GNG2: variants seen among roughly 807,000 people sequenced by gnomAD.
The protein encoded by GNG2 is G protein subunit gamma 2.
In GNG2, 5 loss-of-function variants were observed where a neutral mutation model predicts 5.5. The ratio of observed to expected loss-of-function variants is 0.91; its 90% confidence interval spans 0.48 to 1.92. The LOEUF (loss-of-function observed/expected upper bound fraction) is 1.92, where lower values mean the gene tolerates loss of function less well. Among genes scored for constraint, GNG2 ranks in the 30% most tolerant of loss-of-function variants. The pLI, the probability that GNG2 is intolerant of heterozygous loss-of-function variation, is 0.01. For missense variants in GNG2, 55 were observed against 88.4 expected (o/e 0.62, Z 1.52); for synonymous variants, 28 against 32.0 (o/e 0.88, Z 0.42).
At chr14:51,888,323 G>A (rs545234815) in intron 2 of GNG2, among the ~76,000 whole-genome samples, 1 of 151,698 alleles carries the variant, frequency 6.6e-6, no homozygotes, top group African/African-American at 2.4e-5. Flanking sequence ...TGTTTTTGTT[G>A]TTGTTGTTGT....
chr14:51,958,328 A>C (rs1889384773), intron 3 of GNG2, among the ~76,000 whole-genome samples: 1 of 151,620 alleles, frequency 6.6e-6, no homozygotes, highest in Non-Finnish European at 1.5e-5. Context: ...AGAAACCAAG[A>C]TCTAGATGCC....
intron 2 of GNG2, among the ~76,000 whole-genome samples, chr14:51,908,736 ATTTTTTTT>A (rs3030340): frequency 6.7e-5 from 6 of 89,880 alleles, no homozygotes; most frequent in African/African-American, 1.3e-4. Context: ...CACCCAGCTA[ATTTTTTTT>A]TTTTTTTTTT....
At chr14:51,948,021 T>C (rs1420455776) in intron 2 of GNG2, among the ~76,000 whole-genome samples, 1 of 152,210 alleles carries the variant, frequency 6.6e-6, no homozygotes, top group Non-Finnish European at 1.5e-5. Flanking sequence ...GTAGCAGTCA[T>C]GCTAGAGGTT....
At chr14:51,845,281 A>C (rs1198788406) in intron 2 of GNG2, among the ~76,000 whole-genome samples, 3 of 152,208 alleles carry the variant, frequency 2.0e-5, no homozygotes, top group Non-Finnish European at 4.4e-5. Context: ...GCTTGAGCCC[A>C]GGAGTTTGAG....
chr14:51,910,644 C>T (rs769041707), intron 2 of GNG2, among the ~76,000 whole-genome samples: 4 of 152,202 alleles, frequency 2.6e-5, no homozygotes, highest in Non-Finnish European at 4.4e-5. Context: ...GCACATGGCA[C>T]ACACTCCAGA....
chr14:51,938,875 G>C (rs1357517364), intron 2 of GNG2, among the ~76,000 whole-genome samples: 1 of 152,178 alleles, frequency 6.6e-6, no homozygotes, highest in Non-Finnish European at 1.5e-5. Flanking sequence ...AGGTTTGAGA[G>C]ACACTGAGGA....
intron 3 of GNG2, among the ~76,000 whole-genome samples, chr14:51,954,657 A>G (rs1280399926): frequency 2.0e-5 from 3 of 152,176 alleles, no homozygotes; most frequent in Admixed American, 2.0e-4. Context: ...CTGGAAGGCC[A>G]TTGAGAACTG....
At chr14:51,948,170 C>G (rs1226847480) in intron 2 of GNG2, among the ~76,000 whole-genome samples, 3 of 152,212 alleles carry the variant, frequency 2.0e-5, no homozygotes, top group Non-Finnish European at 4.4e-5. Context: ...GTAACTATAC[C>G]TAGCTGCAAG....
At chr14:51,924,053 G>C (rs1429649881) in intron 2 of GNG2, among the ~76,000 whole-genome samples, 1 of 152,150 alleles carries the variant, frequency 6.6e-6, no homozygotes, top group Non-Finnish European at 1.5e-5. Flanking sequence ...TTTATTGATA[G>C]GCTTAAGCTA....
intron 2 of GNG2, among the ~76,000 whole-genome samples, chr14:51,906,757 C>CTTTTTTTTCTTT (rs1555353318): frequency 2.8e-5 from 3 of 105,308 alleles, no homozygotes; most frequent in African/African-American, 1.1e-4. Context: ...TGGAGAATCT[C>CTTTTTTTTCTTT]TTTTTTTTTT....
rs141568291 is a variant in GNG2, at chr14:51,967,002, G to A, written c.*315G>A. ...TCCTCATGTTTCTGCTTCATATTTTGAAAAATAACAATTAAAACAGACAGC... is the reference window on the plus strand; with the variant it reads ...TCCTCATGTTTCTGCTTCATATTTTAAAAAATAACAATTAAAACAGACAGC... On this transcript the variant is annotated 3_prime_UTR_variant, in exon 4 of 4. Transcript: ENST00000556766. 374 of 136,526 alleles carry A rather than the reference G, an allele frequency of 2.7e-3. 4 individuals carry two copies. The highest frequency in any genetic ancestry group is 0.012 in the African/African-American group (347 of 27,982). The allele number at this position is 136,526 out of a possible 1,614,324, so 8.5% of individuals were successfully genotyped here.
chr14:51,947,434 T>G (rs2140278215), intron 2 of GNG2, among the ~76,000 whole-genome samples: 1 of 152,284 alleles, frequency 6.6e-6, no homozygotes, highest in African/African-American at 2.4e-5. Flanking sequence ...GAGGAAGATG[T>G]GACTTCAGAG....
chr14:51,913,960 C>T, intron 2 of GNG2: 1 of 475,838 alleles, frequency 2.1e-6, no homozygotes, highest in Non-Finnish European at 3.7e-6. Flanking sequence ...TGTTTCATTT[C>T]ATATATATGA....
chr14:51,932,561 C>A (rs948081005), intron 2 of GNG2, among the ~76,000 whole-genome samples: 5 of 151,776 alleles, frequency 3.3e-5, no homozygotes, highest in Middle Eastern at 3.4e-3. Context: ...TAGGTCAAGG[C>A]TGCAGTTAGC....
chr14:51,865,319 T>C (rs909123637), intron 1 of GNG2, among the ~76,000 whole-genome samples: 4 of 152,112 alleles, frequency 2.6e-5, no homozygotes, highest in Admixed American at 1.3e-4. Flanking sequence ...AGATTTAGTC[T>C]CCACCCTCCC....
chr14:51,882,801 A>G (rs191487141), intron 2 of GNG2, among the ~76,000 whole-genome samples: 100 of 152,218 alleles, frequency 6.6e-4, no homozygotes, highest in African/African-American at 2.2e-3. Flanking sequence ...CGAGGTCAGG[A>G]GATCGGGACC....
intron 2 of GNG2, among the ~76,000 whole-genome samples, chr14:51,949,133 A>G (rs532031349): frequency 3.3e-5 from 5 of 151,890 alleles, no homozygotes; most frequent in South Asian, 4.2e-4. Flanking sequence ...AAAAAAAAAA[A>G]AAAGAAAAGA....
chr14:51,911,197 G>C (rs1199448064), intron 2 of GNG2, among the ~76,000 whole-genome samples: 1 of 152,240 alleles, frequency 6.6e-6, no homozygotes, highest in Non-Finnish European at 1.5e-5. Context: ...AAAGTGTAAA[G>C]TGGCTTGGTG....
intron 3 of GNG2, among the ~76,000 whole-genome samples, chr14:51,954,469 A>T: frequency 6.6e-6 from 1 of 152,226 alleles, no homozygotes; most frequent in East Asian, 1.9e-4. Flanking sequence ...ACAAAAGTAA[A>T]GGACAGCAGG....
Sources: allele counts gnomAD v4.1 joint callset (sites outside exome capture counted in the v4.1 genomes callset), GRCh38; gene constraint gnomAD v4.1.1; transcripts MANE v1.5; gene names NCBI Gene and HGNC (gene_info 2026-07-23, HGNC 2026-07-21).